METTL4: variants seen among roughly 807,000 people sequenced by gnomAD.
METTL4 encodes the protein methyltransferase 4, N6-adenosine.
In METTL4, 40 loss-of-function variants were observed where a neutral mutation model predicts 54.0. The observed-to-expected ratio is 0.74, with a 90% CI of 0.58 to 0.96. METTL4 has a LOEUF of 0.96. METTL4 is among the 50% of genes least tolerant of loss of function. METTL4 has a pLI of 0.00. For synonymous variants in METTL4, 169 were observed against 183.8 expected (o/e 0.92, Z 0.65); for missense variants, 525 against 549.0 (o/e 0.96, Z 0.44).
chr18:2,552,557 T>C (rs2072178107), intron 5 of METTL4, 138 bp downstream of exon 5: 1 of 622,418 alleles, frequency 1.6e-6, no homozygotes, highest in African/African-American at 1.9e-5. Context: ...TTAAGGAAAT[T>C]AAGCTGTTAA....
At chr18:2,539,228 G>T (rs2071957006) in intron 8 of METTL4, 83 bp from the exon 9 acceptor site, 3 of 1,087,014 alleles carry the variant, frequency 2.8e-6, no homozygotes, top group Admixed American at 4.3e-5. Flanking sequence ...TAGAAACAGA[G>T]AAATATTTCA....
At chr18:2,540,597 TG>T (rs2071980196) in intron 8 of METTL4, 1 of 985,290 alleles carries the variant, frequency 1.0e-6, no homozygotes, top group Admixed American at 6.1e-5. Context: ...TGGGCTTTGA[TG>T]GGTTCTAGGA....
intron 1 of METTL4, among the ~76,000 whole-genome samples, chr18:2,567,986 G>C (rs1286011647): frequency 6.6e-6 from 1 of 152,192 alleles, no homozygotes; most frequent in Non-Finnish European, 1.5e-5. Flanking sequence ...GTACCCCTTG[G>C]ATAACTAGGT....
intron 4 of METTL4, 61 bp from the exon 5 acceptor site, chr18:2,552,825 A>G (rs2072183364): frequency 2.7e-6 from 3 of 1,119,872 alleles, no homozygotes; most frequent in East Asian, 2.4e-5. Flanking sequence ...TAAAAACTAA[A>G]CATGTTCTTC....
chr18:2,544,935 AT>A (rs1348268550), intron 6 of METTL4, among the ~76,000 whole-genome samples, 176 bp from the exon 7 acceptor site: 4 of 151,854 alleles, frequency 2.6e-5, no homozygotes, highest in Non-Finnish European at 4.4e-5. Context: ...AAAAAAAAAA[AT>A]GCAATGAAAT....
intron 3 of METTL4, chr18:2,561,651 T>G (rs1040297751): frequency 6.6e-6 from 1 of 152,240 alleles, no homozygotes; most frequent in East Asian, 1.9e-4. Context: ...CACTACCGGA[T>G]AGTCAAACCT....
rs939257054 is a variant in METTL4 at position 2,558,206 on chromosome 18, C to T, written c.460-3168G>A. Among the ~76,000 whole-genome samples, 12 of 152,004 alleles carry T rather than the reference C, an allele frequency of 7.9e-5. No homozygotes were observed. In the East Asian group the frequency reaches 1.9e-3, roughly 24 times the overall value. The stretch of plus-strand genomic sequence containing the variant: ...ATATAATACAGGCACAAAGATAACT[C>T]GTATGCTGGGCCATAAAACAAGGTT... On this transcript the variant is annotated intron_variant, in intron 3 of 8. Coordinates refer to ENST00000574538, the MANE Select transcript of METTL4 (RefSeq NM_022840.5).
intron 8 of METTL4, among the ~76,000 whole-genome samples, chr18:2,541,652 A>C (rs1598340548): frequency 1.3e-5 from 2 of 152,332 alleles, no homozygotes; most frequent in East Asian, 3.9e-4. Context: ...AATCGGAGAA[A>C]ATTTCAAAAC....
chr18:2,537,888 G>C lies in METTL4; in HGVS notation c.*1112C>G, dbSNP rs2071934334. Reference sequence around the variant, plus strand: ...AACTAATGATAGAAAGCAAACCAGTGTTTGCCAGGGGCCAAGGATAGGAGC... The same window carrying C: ...AACTAATGATAGAAAGCAAACCAGTCTTTGCCAGGGGCCAAGGATAGGAGC... On this transcript the variant is annotated 3_prime_UTR_variant, in exon 9 of 9. Coordinates refer to ENST00000574538, the MANE Select transcript of METTL4 (RefSeq NM_022840.5). The C allele has an allele frequency of 5.0e-6, 2 of 398,528 alleles. No individual in the cohort carries two copies. Among genetic ancestry groups the C allele is most frequent in the Admixed American group, 8.8e-5 (2 of 22,718 alleles). The allele number at this position is 398,528 out of a possible 1,614,324, so 24.7% of individuals were successfully genotyped here.
At chr18:2,557,816 C>T (rs2072261068) in intron 3 of METTL4, among the ~76,000 whole-genome samples, 3 of 152,172 alleles carry the variant, frequency 2.0e-5, no homozygotes, top group Non-Finnish European at 4.4e-5. Context: ...TAGGAGTCTC[C>T]TATCTTCTGC....
intron 3 of METTL4, among the ~76,000 whole-genome samples, chr18:2,557,201 G>C (rs750665074): frequency 1.3e-5 from 2 of 151,996 alleles, no homozygotes; most frequent in Non-Finnish European, 2.9e-5. Flanking sequence ...CACAGAGAGA[G>C]AACTCAGGAA....
chr18:2,551,541 T>A (rs2072160728), intron 5 of METTL4, among the ~76,000 whole-genome samples: 1 of 151,554 alleles, frequency 6.6e-6, no homozygotes, highest in Non-Finnish European at 1.5e-5. Context: ...ACAAAAAAAA[T>A]GTTTAAATAG....
At chr18:2,561,729 T>C (rs1423190916) in intron 3 of METTL4, 1 of 152,234 alleles carries the variant, frequency 6.6e-6, no homozygotes, top group Non-Finnish European at 1.5e-5. Context: ...CTGCAGCACA[T>C]TTCATAATTT....
intron 6 of METTL4, among the ~76,000 whole-genome samples, chr18:2,546,072 T>G (rs1233750137): frequency 6.6e-6 from 1 of 152,112 alleles, no homozygotes; most frequent in Non-Finnish European, 1.5e-5. Context: ...TATACTCCTA[T>G]CACGGTCCTA....
At chr18:2,543,432 T>A (rs1239833327) in intron 8 of METTL4, among the ~76,000 whole-genome samples, 1 of 152,214 alleles carries the variant, frequency 6.6e-6, no homozygotes, top group Non-Finnish European at 1.5e-5. Context: ...GTTTTTAAAC[T>A]CTGACTTGAA....
In METTL4 at chr18:2,538,182, A is replaced by G. The variant is rs1272047051; in HGVS notation, c.*818T>C. The G allele has an allele frequency of 2.8e-6, 1 of 353,672 alleles. No homozygotes were observed. Among genetic ancestry groups the G allele is most frequent in the African/African-American group, 2.1e-5 (1 of 47,690 alleles). 21.9% of individuals were successfully genotyped at this position (353,672 alleles called of 1,614,324 possible). On this transcript the variant is annotated 3_prime_UTR_variant, in exon 9 of 9. Transcript: ENST00000574538. ...TATTTGTAGAAAATCTATAAATAAT[A>G]TTTTTTTCACAATCACACTGTTTAC... is the stretch of plus-strand genomic sequence containing the variant.
At chr18:2,560,747 C>T (rs565736472) in intron 3 of METTL4, among the ~76,000 whole-genome samples, 76 of 151,960 alleles carry the variant, frequency 5.0e-4, no homozygotes, top group Non-Finnish European at 2.4e-4. Context: ...GGCGTAGTGG[C>T]GGGCGCCTGT....
At chr18:2,566,046 C>CAAAAAAA (rs143395336) in intron 2 of METTL4, among the ~76,000 whole-genome samples, 77 of 82,828 alleles carry the variant, frequency 9.3e-4, no homozygotes, top group Non-Finnish European at 1.1e-3. Context: ...GACTCTGTCT[C>CAAAAAAA]AAATAAATAA....
At position 2,537,646 on chromosome 18, in the gene METTL4, CA is replaced by C; in HGVS notation, c.*1353del. ...TATACTCACACACTCAAAGGATGAA[CA>C]AACTTCAAAAATAACATATTTTTCT... is the stretch of plus-strand genomic sequence containing the variant. On this transcript the variant is annotated 3_prime_UTR_variant, in exon 9 of 9. Transcript: ENST00000574538. 2.7e-6 allele frequency: 1 copy of C among 373,326 alleles called. No homozygotes were observed. The highest frequency in any genetic ancestry group is 4.7e-6 in the Non-Finnish European group (1 of 210,856). The allele number at this position is 373,326 out of a possible 1,614,324, so 23.1% of individuals were successfully genotyped here.
Sources: allele counts gnomAD v4.1 joint callset (sites outside exome capture counted in the v4.1 genomes callset), GRCh38; gene constraint gnomAD v4.1.1; transcripts MANE v1.5; gene names NCBI Gene and HGNC (gene_info 2026-07-23, HGNC 2026-07-21).